TSPAN9: variants seen among roughly 807,000 people sequenced by gnomAD.
The protein encoded by TSPAN9 is tetraspanin-9.
In TSPAN9, 16 loss-of-function variants were observed where a neutral mutation model predicts 31.0. The ratio of observed to expected loss-of-function variants is 0.52; its 90% CI spans 0.35 to 0.78. TSPAN9 has a LOEUF of 0.78. TSPAN9 is among the 30% of genes least tolerant of loss of function. The pLI, the probability that TSPAN9 is intolerant of heterozygous loss-of-function variation, is 0.01. For synonymous variants in TSPAN9, 145 were observed against 121.6 expected, an observed-to-expected ratio of 1.19 and a Z score of -1.27; for missense variants, 272 against 312.5, an observed-to-expected ratio of 0.87 and a Z score of 0.98.
chr12:3,235,625 T>C (rs1358771526), intron 3 of TSPAN9, among the ~76,000 whole-genome samples: 1 of 151,810 alleles, frequency 6.6e-6, no homozygotes, highest in East Asian at 1.9e-4. Flanking sequence ...CCTCACTGAG[T>C]AGGTTTGAAT....
At chr12:3,175,168 G>A (rs567678319) in intron 2 of TSPAN9, among the ~76,000 whole-genome samples, 2 of 152,310 alleles carry the variant, frequency 1.3e-5, no homozygotes, top group African/African-American at 4.8e-5. Context: ...CCTAGGAGCA[G>A]GGGCAGCATC....
chr12:3,201,095 G>A (rs2098371285), intron 2 of TSPAN9, 82 bp from the exon 3 acceptor site: 2 of 1,338,680 alleles, frequency 1.5e-6, no homozygotes, highest in Non-Finnish European at 2.1e-6. Flanking sequence ...CGAGGCCGGC[G>A]TTAAGACCGA....
intron 3 of TSPAN9, among the ~76,000 whole-genome samples, chr12:3,272,361 C>CTCCA (rs1253699560): frequency 6.6e-6 from 1 of 152,190 alleles, no homozygotes; most frequent in Non-Finnish European, 1.5e-5. Context: ...ACTCAGGCCC[C>CTCCA]TCCATCCATC....
At chr12:3,233,606 G>A (rs1365911756) in intron 3 of TSPAN9, among the ~76,000 whole-genome samples, 1 of 152,182 alleles carries the variant, frequency 6.6e-6, no homozygotes, top group Non-Finnish European at 1.5e-5. Flanking sequence ...TCCATGTAAT[G>A]TTTGTACTTG....
chr12:3,186,184 T>C (rs2098361218), intron 2 of TSPAN9, among the ~76,000 whole-genome samples: 1 of 152,190 alleles, frequency 6.6e-6, no homozygotes, highest in Admixed American at 6.5e-5. Context: ...GAAGCCAAGA[T>C]GGCACCTAGG....
At chr12:3,165,216 T>C (rs1207819716) in intron 2 of TSPAN9, among the ~76,000 whole-genome samples, 1 of 152,148 alleles carries the variant, frequency 6.6e-6, no homozygotes, top group Non-Finnish European at 1.5e-5. Context: ...CCTAATGGAA[T>C]GAAGGTCTTT....
rs143035199 is a variant in TSPAN9 at position 3,263,521 on chromosome 12, C to T, written c.64-14900C>T. ...GGGTCTGAAGGAGGTGGTGTAGCAACGCACCGGCCTGGGGAGGCGCTCCTG... is the reference window on the plus strand; with the variant it reads ...GGGTCTGAAGGAGGTGGTGTAGCAATGCACCGGCCTGGGGAGGCGCTCCTG... On this transcript the variant is annotated intron_variant, in intron 3 of 8. Transcript: ENST00000011898. 8.4e-3 allele frequency among the ~76,000 whole-genome samples: 1,283 copies of T among 152,304 alleles called. 6 individuals are homozygous for T. The highest frequency in any genetic ancestry group is 0.014 in the Non-Finnish European group (985 of 68,024).
At chr12:3,200,493 G>A in intron 2 of TSPAN9, 1 of 152,548 alleles carries the variant, frequency 6.6e-6, no homozygotes, top group Non-Finnish European at 1.5e-5. Flanking sequence ...GGGGCTCAGC[G>A]CTGGGGCTGG....
At chr12:3,243,267 C>T (rs756545826) in intron 3 of TSPAN9, among the ~76,000 whole-genome samples, 3 of 152,174 alleles carry the variant, frequency 2.0e-5, no homozygotes, top group African/African-American at 4.8e-5. Flanking sequence ...TCCACCATCA[C>T]CATCGCAGCC....
intron 2 of TSPAN9, among the ~76,000 whole-genome samples, chr12:3,182,447 A>G (rs1470852094): frequency 6.8e-6 from 1 of 147,154 alleles, no homozygotes; most frequent in East Asian, 2.0e-4. Flanking sequence ...TCTTCCTATG[A>G]CTTTCTTCCC....
intron 2 of TSPAN9, among the ~76,000 whole-genome samples, chr12:3,177,746 T>TA (rs555805940): frequency 2.3e-4 from 35 of 152,390 alleles, no homozygotes; most frequent in South Asian, 1.2e-3. Context: ...ACCTGCTAGG[T>TA]AAACAGTGAT....
intron 4 of TSPAN9, 93 bp from the exon 5 acceptor site, chr12:3,278,899 C>T (rs1260894950): frequency 3.5e-5 from 48 of 1,371,768 alleles, no homozygotes; most frequent in Non-Finnish European, 4.8e-5. Context: ...TGGGAAGCCC[C>T]ACCTAGGCGC....
At chr12:3,254,939 G>A (rs761843280) in intron 3 of TSPAN9, among the ~76,000 whole-genome samples, 2 of 152,204 alleles carry the variant, frequency 1.3e-5, no homozygotes, top group Non-Finnish European at 2.9e-5. Context: ...TGACTGTTGA[G>A]TGACTTGTAT....
intron 5 of TSPAN9, 111 bp downstream of exon 5, chr12:3,279,177 C>T: frequency 7.2e-6 from 7 of 976,360 alleles, no homozygotes; most frequent in South Asian, 1.4e-5. Context: ...GCAAGCAGCA[C>T]CTGTGCAGAA....
At chr12:3,188,814 A>G (rs911577723) in intron 2 of TSPAN9, among the ~76,000 whole-genome samples, 2 of 152,124 alleles carry the variant, frequency 1.3e-5, no homozygotes, top group Non-Finnish European at 1.5e-5. Flanking sequence ...GTGGTGATCT[A>G]TCAAGGTGAA....
chr12:3,193,904 C>T (rs576038297), intron 2 of TSPAN9, among the ~76,000 whole-genome samples: 1 of 152,338 alleles, frequency 6.6e-6, no homozygotes, highest in Admixed American at 6.5e-5. Flanking sequence ...GGGGATATGG[C>T]TGTGAGTGAG....
At chr12:3,171,951 C>T (rs2098352089) in intron 2 of TSPAN9, 2 of 152,108 alleles carry the variant, frequency 1.3e-5, no homozygotes, top group African/African-American at 4.8e-5. Context: ...CATGGAGGGT[C>T]GAAACTGCTC....
intron 3 of TSPAN9, among the ~76,000 whole-genome samples, chr12:3,240,282 C>CG (rs986445191): frequency 2.6e-5 from 4 of 152,068 alleles, no homozygotes; most frequent in Non-Finnish European, 5.9e-5. Flanking sequence ...CTGCAGGCTA[C>CG]GGGGAGAGAG....
Position 3,083,862 on chromosome 12 carries a change from G to A in TSPAN9, c.-18+143G>A, listed in dbSNP as rs376785931. 23 of 152,412 alleles carry A rather than the reference G, an allele frequency of 1.5e-4. No individual in the cohort carries two copies. The East Asian group carries it at 3.7e-3, about 24-fold the overall frequency. 9.4% of individuals were successfully genotyped at this position (152,412 alleles called of 1,614,324 possible). A position where few individuals can be genotyped will look rare whatever the true frequency, so the allele number is the denominator to read the frequency against. On this transcript the variant is annotated intron_variant, in intron 2 of 8. Transcript: ENST00000011898. ...AGGATGCTGACATTTTCTAGTTGTC[G>A]TGCCCTGACTCCTGGCTTTGATTTT...
Sources: allele counts gnomAD v4.1 joint callset (sites outside exome capture counted in the v4.1 genomes callset), GRCh38; gene constraint gnomAD v4.1.1; transcripts MANE v1.5; gene names NCBI Gene and HGNC (gene_info 2026-07-23, HGNC 2026-07-21).